NEK10: variants seen among roughly 807,000 people sequenced by gnomAD.
NEK10 encodes the protein NIMA related kinase 10, also known as serine/threonine-protein kinase Nek10.
NEK10 carries 122 observed loss-of-function variants against 159.8 expected under a neutral mutation model. The ratio of observed to expected loss-of-function variants is 0.76; its 90% confidence interval spans 0.66 to 0.89. The LOEUF is 0.89. Among genes scored for constraint, NEK10 ranks in the 40% least tolerant of loss-of-function variants. NEK10 has a pLI of 0.00. For missense variants in NEK10, 1,342 were observed against 1,323.1 expected (o/e 1.01, Z -0.22); for synonymous variants, 466 against 457.1 (o/e 1.02, Z -0.25).
intron 23 of NEK10, among the ~76,000 whole-genome samples, chr3:27,254,350 A>C (rs1471815578): frequency 6.6e-6 from 1 of 152,102 alleles, no homozygotes; most frequent in African/African-American, 2.4e-5. Flanking sequence ...CTAATTATTA[A>C]TGTTCACTGT....
chr3:27,314,093 C>T (rs142148885), intron 7 of NEK10, among the ~76,000 whole-genome samples: 156 of 152,224 alleles, frequency 1.0e-3, no homozygotes, highest in African/African-American at 3.7e-3. Flanking sequence ...TAAAGTGAGC[C>T]CAATTAGCCA....
chr3:27,201,417 C>A, intron 25 of NEK10, 93 bp downstream of exon 25: 1 of 1,095,802 alleles, frequency 9.1e-7, no homozygotes, highest in Non-Finnish European at 1.4e-6. Context: ...GACTCTTTCT[C>A]TTCATGACCT....
At chr3:27,129,391 T>C (rs1269311125) in intron 32 of NEK10, among the ~76,000 whole-genome samples, 1 of 152,120 alleles carries the variant, frequency 6.6e-6, no homozygotes, top group Non-Finnish European at 1.5e-5. Flanking sequence ...TGTCACCACT[T>C]ACTGCTCCTA....
chr3:27,171,977 G>T, intron 28 of NEK10, 104 bp from the exon 29 acceptor site: 3 of 1,228,122 alleles, frequency 2.4e-6, no homozygotes, highest in Non-Finnish European at 3.4e-6. Context: ...TGGTGAAGAT[G>T]CAGAGAAAAG....
chr3:27,332,386 T>C (rs1219786820), intron 5 of NEK10, among the ~76,000 whole-genome samples: 1 of 152,206 alleles, frequency 6.6e-6, no homozygotes, highest in Non-Finnish European at 1.5e-5. Context: ...TTTGTGAATA[T>C]ATTGGAAGGA....
At chr3:27,268,196 T>A (rs916082461) in intron 22 of NEK10, among the ~76,000 whole-genome samples, 8 of 152,188 alleles carry the variant, frequency 5.3e-5, no homozygotes, top group African/African-American at 1.9e-4. Context: ...GACATTTCCA[T>A]AACATAAAAG....
At chr3:27,119,949 T>C in intron 32 of NEK10, 81 bp from the exon 33 acceptor site, 1 of 985,992 alleles carries the variant, frequency 1.0e-6, no homozygotes, top group Non-Finnish European at 1.6e-6. Context: ...GGTTTTTCAT[T>C]TCCCTATGTC....
intron 8 of NEK10, 61 bp downstream of exon 8, chr3:27,312,038 C>T (rs1248986359): frequency 9.5e-7 from 1 of 1,047,252 alleles, no homozygotes. Flanking sequence ...CTGCTGCAAA[C>T]ACCATACTGC....
intron 23 of NEK10, among the ~76,000 whole-genome samples, chr3:27,237,037 C>A (rs973216201): frequency 1.3e-5 from 2 of 152,110 alleles, no homozygotes; most frequent in Non-Finnish European, 2.9e-5. Flanking sequence ...TGCATTCCTT[C>A]CCCTGGGTAT....
intron 23 of NEK10, among the ~76,000 whole-genome samples, chr3:27,232,087 A>G (rs1953347747): frequency 6.6e-6 from 1 of 151,948 alleles, no homozygotes; most frequent in Admixed American, 6.6e-5. Flanking sequence ...AAACTTCTCA[A>G]TAAAATACTA....
At chr3:27,220,263 G>A (rs1007427890) in intron 23 of NEK10, among the ~76,000 whole-genome samples, 1 of 152,114 alleles carries the variant, frequency 6.6e-6, no homozygotes, top group Non-Finnish European at 1.5e-5. Flanking sequence ...GTTTTGGTAG[G>A]GCTGCATTTC....
chr3:27,131,690 T>C (rs556694419), intron 32 of NEK10, among the ~76,000 whole-genome samples, 190 bp downstream of exon 32: 48 of 152,272 alleles, frequency 3.2e-4, no homozygotes, highest in African/African-American at 1.1e-3. Context: ...CCATTTGTTA[T>C]CTAAAAATAA....
At chr3:27,212,487 T>G (rs940619923) in intron 23 of NEK10, among the ~76,000 whole-genome samples, 5 of 152,208 alleles carry the variant, frequency 3.3e-5, no homozygotes, top group Admixed American at 2.0e-4. Flanking sequence ...CTTCGACAGC[T>G]TCCTCACAAC....
intron 3 of NEK10, among the ~76,000 whole-genome samples, chr3:27,350,244 C>T (rs1000553231): frequency 5.9e-5 from 9 of 152,138 alleles, no homozygotes; most frequent in African/African-American, 2.2e-4. Flanking sequence ...AGCATTTCTG[C>T]TTGACCCCAA....
intron 9 of NEK10, chr3:27,310,203 A>G (rs2149587699): frequency 6.6e-6 from 1 of 152,168 alleles, no homozygotes; most frequent in South Asian, 2.1e-4. Context: ...AATGTTTCCC[A>G]AACTTCAATC....
chr3:27,183,958 C>T (rs62255215), intron 26 of NEK10, among the ~76,000 whole-genome samples: 34,614 of 152,012 alleles, frequency 0.23, 4,282 homozygotes, highest in Middle Eastern at 0.37. Flanking sequence ...GGATGTGGAA[C>T]GTCTAGAACT....
At chr3:27,183,690 A>G (rs550555186) in intron 26 of NEK10, among the ~76,000 whole-genome samples, 1 of 152,256 alleles carries the variant, frequency 6.6e-6, no homozygotes, top group East Asian at 1.9e-4. Context: ...GTTTGACAAT[A>G]GGCTCATTAT....
chr3:27,342,813 TA>T (rs34235528), intron 5 of NEK10, among the ~76,000 whole-genome samples: 89 of 147,698 alleles, frequency 6.0e-4, no homozygotes, highest in African/African-American at 1.5e-3. Flanking sequence ...GAGCTGGCTT[TA>T]AAAAAAAAAA....
Position 27,109,134 on chromosome 3 carries a change from T to C in NEK10, c.*2138A>G, listed in dbSNP as rs536457904. Among the ~76,000 whole-genome samples the C allele has an allele frequency of 2.2e-3, 331 of 152,302 alleles. 1 individual carries two copies. Among genetic ancestry groups the C allele is most frequent in the Admixed American group, 4.1e-3 (62 of 15,302 alleles). On this transcript the variant is annotated 3_prime_UTR_variant, in exon 36 of 36. Transcript: ENST00000691995. ...TGGCTCACGCCTCTAATCCCAGCAC[T>C]TTGGGAGGCCGAGGCAGGCAGATCA...
Sources: gnomAD v4.1 joint callset for allele counts (sites outside exome capture counted in the v4.1 genomes callset) on GRCh38, gnomAD v4.1.1 for gene constraint, MANE v1.5 for transcripts, NCBI Gene and HGNC (gene_info 2026-07-23, HGNC 2026-07-21) for gene names.